Variants in FAM98B observed in about 807,000 individuals in gnomAD.
The protein encoded by FAM98B is tRNA-splicing ligase complex subunit FAM98B.
Under a neutral mutation model 43.9 loss-of-function variants are expected in FAM98B, and 32 were observed. That is an observed-to-expected ratio of 0.73 (90% CI 0.55 to 0.98). The LOEUF (loss-of-function observed/expected upper bound fraction) is 0.98, where lower values mean the gene tolerates loss of function less well. Among genes scored for constraint, FAM98B ranks in the 50% least tolerant of loss-of-function variants. The pLI, the probability that FAM98B is intolerant of heterozygous loss-of-function variation, is 0.00. For missense variants in FAM98B, 514 were observed against 522.9 expected, an observed-to-expected ratio of 0.98 and a Z score of 0.17; for synonymous variants, 190 against 174.0, an observed-to-expected ratio of 1.09 and a Z score of -0.72.
intron 1 of FAM98B, chr15:38,458,976 G>T: frequency 2.6e-6 from 1 of 389,852 alleles, no homozygotes. Flanking sequence ...TAGCAGCCCT[G>T]GTGGAACCAC....
intron 7 of FAM98B, chr15:38,482,811 C>T (rs1314280323): frequency 6.6e-6 from 1 of 152,194 alleles, no homozygotes; most frequent in African/African-American, 2.4e-5. Context: ...TATCTTTCCT[C>T]TGCTCATGGC....
At chr15:38,454,978 C>T (rs1052531623) in intron 1 of FAM98B, among the ~76,000 whole-genome samples, 10 of 152,042 alleles carry the variant, frequency 6.6e-5, no homozygotes, top group Admixed American at 6.5e-4. Context: ...GTAATCTCCC[C>T]CTCAACCTCA....
intron 1 of FAM98B, among the ~76,000 whole-genome samples, chr15:38,457,957 CTTTTT>C (rs569455316): frequency 7.2e-6 from 1 of 138,196 alleles, no homozygotes; most frequent in South Asian, 2.3e-4. Flanking sequence ...AACAATCTTA[CTTTTT>C]TTTTTTTTTT....
intron 5 of FAM98B, 30 bp from the exon 6 acceptor site, chr15:38,474,152 G>GT (rs1399975104): frequency 6.7e-7 from 1 of 1,498,882 alleles, no homozygotes; most frequent in Non-Finnish European, 9.3e-7. Flanking sequence ...AGAATCTAAA[G>GT]TTTATTATTT....
At position 38,465,285 on chromosome 15, in the gene FAM98B, G is replaced by A; in HGVS notation, c.234G>A (p.Glu78=). 6.2e-7 allele frequency: 1 copy of A among 1,610,342 alleles called. No individual in the cohort carries two copies. ...TTTTTAAAGGAAGAGATGATCTAGA[G>A]AGCTTCCAGCTTGAGATAAGTGGCT... ...SITSAGRDDL[E]SFQLEISGFL... The change falls in exon 3 of 8, where the codon GAG becomes GAA. Residue 78 remains glutamate, a synonymous_variant. Coordinates refer to ENST00000397609, the MANE Select transcript of FAM98B (RefSeq NM_173611.4).
chr15:38,463,578 C>G (rs1889983049), intron 1 of FAM98B, among the ~76,000 whole-genome samples: 1 of 151,628 alleles, frequency 6.6e-6, no homozygotes, highest in African/African-American at 2.4e-5. Context: ...TTAAAATGAT[C>G]TAATAGATTC....
At chr15:38,466,360 C>T (rs1890032175) in intron 3 of FAM98B, among the ~76,000 whole-genome samples, 1 of 152,050 alleles carries the variant, frequency 6.6e-6, no homozygotes, top group Non-Finnish European at 1.5e-5. Context: ...TTTAATGAAC[C>T]ACTGTTATTG....
chr15:38,469,391 A>C (rs1226425513), intron 3 of FAM98B, among the ~76,000 whole-genome samples: 1 of 152,188 alleles, frequency 6.6e-6, no homozygotes, highest in Non-Finnish European at 1.5e-5. Context: ...GTGCTTATAT[A>C]TCAGTTAGAG....
intron 1 of FAM98B, chr15:38,458,930 C>T (rs1433723255): frequency 2.1e-5 from 9 of 420,744 alleles, no homozygotes; most frequent in Non-Finnish European, 3.8e-5. Flanking sequence ...GAGGGTTTTC[C>T]TCAGGTTCCT....
Position 38,481,389 on chromosome 15 carries a change from A to T in FAM98B, c.827A>T (p.Glu276Val), listed in dbSNP as rs1890283783. The T allele has an allele frequency of 1.2e-6, 2 of 1,614,080 alleles. No individual in the cohort carries two copies. The highest frequency in any genetic ancestry group is 3.3e-5 in the Admixed American group (2 of 60,016). The change falls in exon 7 of 8, where the codon GAA becomes GTA. Residue 276 changes from glutamate (E) to valine (V), a missense_variant. Physicochemically the swap from Glu to Val is moderately radical, Grantham distance 121 (BLOSUM62 -2). Coordinates refer to ENST00000397609, the MANE Select transcript of FAM98B (RefSeq NM_173611.4). ...ITMAHLLAAR[E>V]DLSKIIRTSS... ...ATGGCACATCTACTTGCTGCTCGTG[A>T]AGATCTATCCAAGATCATTAGGACA...
Position 38,485,528 on chromosome 15 carries a change from G to A in FAM98B, c.*869G>A, listed in dbSNP as rs906580669. 6.6e-6 allele frequency: 1 copy of A among 152,210 alleles called. No individual in the cohort carries two copies. Among genetic ancestry groups the A allele is most frequent in the Non-Finnish European group, 1.5e-5 (1 of 68,044 alleles). 9.4% of individuals were successfully genotyped at this position (152,210 alleles called of 1,614,324 possible). A position where few individuals can be genotyped will look rare whatever the true frequency, so the allele number is the denominator to read the frequency against. On this transcript the variant is annotated 3_prime_UTR_variant, in exon 8 of 8. Transcript: ENST00000397609. ...TTCAGTAGATCAAGGGTAGGGCTAA[G>A]GCATCCTGTGGTAATTCTGATTCAC...
At position 38,456,778 on chromosome 15, in the gene FAM98B, A is replaced by G. The variant is rs111305494; in HGVS notation, c.71+2546A>G. On this transcript the variant is annotated intron_variant, in intron 1 of 7. Transcript: ENST00000397609. ...GGACAAAGATATCCTTACAGTGAGAAGAAAATGTGAAGACTTTGAAATGTG... is the reference window on the plus strand; with the variant it reads ...GGACAAAGATATCCTTACAGTGAGAGGAAAATGTGAAGACTTTGAAATGTG... Among the ~76,000 whole-genome samples, 354 of 152,310 alleles carry G rather than the reference A, an allele frequency of 2.3e-3. 1 individual carries two copies. Among genetic ancestry groups the G allele is most frequent in the African/African-American group, 7.8e-3 (324 of 41,564 alleles).
chr15:38,473,792 G>A (rs180855780), intron 5 of FAM98B, among the ~76,000 whole-genome samples: 73 of 152,306 alleles, frequency 4.8e-4, no homozygotes, highest in Admixed American at 9.8e-4. Context: ...GATATTGATA[G>A]TGCTCAATGT....
intron 1 of FAM98B, chr15:38,459,675 C>T (rs1446604765): frequency 5.5e-6 from 1 of 180,488 alleles, no homozygotes; most frequent in African/African-American, 2.4e-5. Flanking sequence ...CATACCCCCT[C>T]TCCTTTCCTC....
At chr15:38,484,174 A>G (rs1890328147) in intron 7 of FAM98B, 81 bp from the exon 8 acceptor site, 4 of 1,309,526 alleles carry the variant, frequency 3.1e-6, no homozygotes, top group Non-Finnish European at 4.2e-6. Context: ...GCTTCTGTTT[A>G]TTAGAAACAA....
chr15:38,459,071 A>T, intron 1 of FAM98B: 1 of 342,310 alleles, frequency 2.9e-6, no homozygotes, highest in East Asian at 7.7e-5. Flanking sequence ...CCAGGTTGGC[A>T]GTGAAGGGAA....
chr15:38,468,182 G>C (rs1308547249), intron 3 of FAM98B, among the ~76,000 whole-genome samples: 3 of 152,114 alleles, frequency 2.0e-5, no homozygotes, highest in Admixed American at 2.0e-4. Context: ...TTCAGCCAAG[G>C]TTCTGTCTAA....
At position 38,484,292 on chromosome 15, in the gene FAM98B, C is replaced by T. The variant is rs768169809; in HGVS notation, c.935C>T (p.Pro312Leu). 86 of 1,548,976 alleles carry T rather than the reference C, an allele frequency of 5.6e-5. No homozygotes were observed. Among genetic ancestry groups the T allele is most frequent in the Non-Finnish European group, 7.0e-5 (80 of 1,146,906 alleles). ...MGRVPDRGGR[P>L]NEIEPPPPEM... Reference sequence around the variant, plus strand: ...AGGGTGCCTGACAGGGGAGGCCGGCCGAATGAAATTGAACCACCACCTCCA... The same window carrying T: ...AGGGTGCCTGACAGGGGAGGCCGGCTGAATGAAATTGAACCACCACCTCCA... Residue 312 changes from proline (P) to leucine (L), a missense_variant, in exon 8 of 8, where the codon CCG (proline) becomes CTG (leucine). By Grantham distance (98) the Pro-to-Leu change is moderately conservative. Around this residue, in one of 2 missense-constraint regions of FAM98B, gnomAD observed 469 missense variants for 451.8 expected, o/e 1.04. Transcript: ENST00000397609.
chr15:38,459,395 C>A (rs1889910013), intron 1 of FAM98B: 1 of 392,508 alleles, frequency 2.5e-6, no homozygotes, highest in South Asian at 2.0e-5. Context: ...CTTGACTGGC[C>A]ATGCTGGATG....
Sources: gnomAD v4.1 joint callset for allele counts (sites outside exome capture counted in the v4.1 genomes callset) on GRCh38, gnomAD v4.1.1 for gene constraint, gnomAD v4.1.1 regional missense constraint, MANE v1.5 for transcripts, NCBI Gene and HGNC (gene_info 2026-07-23, HGNC 2026-07-21) for gene names.